ZFHX3: variants seen among roughly 807,000 people sequenced by gnomAD.
ZFHX3 encodes the protein zinc finger homeobox 3.
A neutral mutation model predicts 279.1 loss-of-function variants in ZFHX3; 42 were observed. The ratio of observed to expected loss-of-function variants is 0.15; its 90% CI spans 0.12 to 0.19. The LOEUF is 0.19. ZFHX3 is among the 10% of genes least tolerant of loss of function. The pLI, the probability that ZFHX3 is intolerant of heterozygous loss-of-function variation, is 1.00. For synonymous variants in ZFHX3, 2,293 were observed against 1,957.8 expected (o/e 1.17, Z -4.52); for missense variants, 4,981 against 4,754.0 (o/e 1.05, Z -1.40).
chr16:73,354,483 G>A (rs2016301957), intron 3 of ZFHX3, among the ~76,000 whole-genome samples: 2 of 152,204 alleles, frequency 1.3e-5, no homozygotes. Context: ...TGGGGGGCAT[G>A]CCCATATGGG....
intron 2 of ZFHX3, among the ~76,000 whole-genome samples, chr16:73,618,482 T>G (rs1160875819): frequency 2.6e-5 from 4 of 152,190 alleles, no homozygotes; most frequent in African/African-American, 9.7e-5. Context: ...CTTAGAAAAT[T>G]TCAGTAACTT....
intron 1 of ZFHX3, among the ~76,000 whole-genome samples, chr16:72,988,795 T>G (rs984363954): frequency 6.6e-6 from 1 of 152,250 alleles, no homozygotes; most frequent in Non-Finnish European, 1.5e-5. Flanking sequence ...TCATCATAAT[T>G]TTTCATCTTT....
chr16:73,870,353 G>A (rs746891328), intron 1 of ZFHX3, among the ~76,000 whole-genome samples: 1 of 152,292 alleles, frequency 6.6e-6, no homozygotes, highest in Middle Eastern at 3.4e-3. Flanking sequence ...CCAATCCTGG[G>A]AATCACGAAG....
chr16:73,480,273 G>T (rs1229895615), intron 2 of ZFHX3, among the ~76,000 whole-genome samples: 1 of 151,914 alleles, frequency 6.6e-6, no homozygotes, highest in Non-Finnish European at 1.5e-5. Flanking sequence ...CAGTGTGTTT[G>T]GTAGTAGGCT....
chr16:72,955,036 T>C (rs951537021), intron 2 of ZFHX3, among the ~76,000 whole-genome samples: 1 of 152,204 alleles, frequency 6.6e-6, no homozygotes, highest in Non-Finnish European at 1.5e-5. Flanking sequence ...CTGTTTTTAT[T>C]TGCATAAGTT....
intron 3 of ZFHX3, among the ~76,000 whole-genome samples, chr16:73,455,758 T>G (rs1392906851): frequency 2.0e-5 from 3 of 151,722 alleles, no homozygotes; most frequent in Non-Finnish European, 4.4e-5. Flanking sequence ...TTCAAAGCTT[T>G]GTTTGTTAAG....
intron 2 of ZFHX3, among the ~76,000 whole-genome samples, chr16:73,629,488 A>G (rs1232983599): frequency 6.6e-6 from 1 of 152,166 alleles, no homozygotes; most frequent in Non-Finnish European, 1.5e-5. Context: ...TTGTGGACTT[A>G]ATGTGAATAA....
At chr16:73,072,270 C>T (rs1049834633) in intron 8 of ZFHX3, among the ~76,000 whole-genome samples, 2 of 152,026 alleles carry the variant, frequency 1.3e-5, no homozygotes, top group Non-Finnish European at 1.5e-5. Context: ...CACAGTGAAA[C>T]GCCATTGCTA....
chr16:72,930,872 T>C (rs999309748), intron 3 of ZFHX3, among the ~76,000 whole-genome samples: 1 of 152,170 alleles, frequency 6.6e-6, no homozygotes, highest in Admixed American at 6.5e-5. Context: ...CAAGGTGCCA[T>C]CACTGAGCCG....
intron 2 of ZFHX3, among the ~76,000 whole-genome samples, chr16:73,551,825 G>A (rs2020208182): frequency 6.6e-6 from 1 of 152,124 alleles, no homozygotes; most frequent in Non-Finnish European, 1.5e-5. Flanking sequence ...ATGATTTCAG[G>A]GAGTTTATAT....
At chr16:72,915,515 G>C (rs774733804) in intron 3 of ZFHX3, among the ~76,000 whole-genome samples, 2 of 152,068 alleles carry the variant, frequency 1.3e-5, no homozygotes, top group Admixed American at 6.6e-5. Flanking sequence ...TTGTAACCCC[G>C]GCACTCCTGG....
intron 2 of ZFHX3, among the ~76,000 whole-genome samples, chr16:73,603,251 C>G (rs2052141900): frequency 2.7e-5 from 4 of 149,822 alleles, no homozygotes. Flanking sequence ...CGACACTGCA[C>G]TCCAGCCTGG....
At chr16:73,300,646 G>T (rs2015032612) in intron 4 of ZFHX3, among the ~76,000 whole-genome samples, 1 of 152,250 alleles carries the variant, frequency 6.6e-6, no homozygotes, top group Non-Finnish European at 1.5e-5. Flanking sequence ...TGGGATTACA[G>T]GCGCCTGCCA....
chr16:72,796,470 A>G lies in ZFHX3; in HGVS notation c.6212T>C (p.Ile2071Thr), dbSNP rs2143432982. Reference sequence around the variant, plus strand: ...GGCCGGTGCAATTGTAGGTGAGGTGATGGGTGGGGCTGATGCGGGGATGGC... The same window carrying G: ...GGCCGGTGCAATTGTAGGTGAGGTGGTGGGTGGGGCTGATGCGGGGATGGC... The part of the protein sequence containing the change: ...TPAIPASAPP[I>T]TSPTIAPAQP... The change falls in exon 9 of 10, where the codon ATC becomes ACC. Residue 2071 changes from isoleucine (I) to threonine (T), a missense_variant. This residue lies in a region of ZFHX3 where 1,751 missense variants were observed against 1,770.0 expected (regional missense o/e 0.99). Coordinates refer to ENST00000268489, the MANE Select transcript of ZFHX3 (RefSeq NM_006885.4). 21 of 1,450,138 alleles carry G rather than the reference A, an allele frequency of 1.4e-5. No homozygotes were observed. The highest frequency in any genetic ancestry group is 1.9e-5 in the Non-Finnish European group (21 of 1,082,232). 89.8% of individuals were successfully genotyped at this position (1,450,138 alleles called of 1,614,324 possible). A position where few individuals can be genotyped will look rare whatever the true frequency, so the allele number is the denominator to read the frequency against.
chr16:73,120,760 T>C (rs911070346), intron 7 of ZFHX3, among the ~76,000 whole-genome samples: 8 of 150,964 alleles, frequency 5.3e-5, no homozygotes, highest in Admixed American at 2.0e-4. Context: ...GTTCAAGTGA[T>C]TCTCCTACCT....
intron 1 of ZFHX3, among the ~76,000 whole-genome samples, chr16:73,875,877 T>G (rs937424631): frequency 3.3e-5 from 5 of 152,222 alleles, no homozygotes; most frequent in Admixed American, 1.3e-4. Context: ...ATTAAATATT[T>G]TAATATTCAT....
chr16:73,041,853 A>G (rs913364343), intron 1 of ZFHX3, among the ~76,000 whole-genome samples: 2 of 152,256 alleles, frequency 1.3e-5, no homozygotes, highest in Non-Finnish European at 2.9e-5. Flanking sequence ...GCCAAAGAGC[A>G]TTTTAGGAAG....
chr16:72,962,571 A>G (rs1018696425), intron 1 of ZFHX3, among the ~76,000 whole-genome samples: 5 of 152,192 alleles, frequency 3.3e-5, no homozygotes, highest in African/African-American at 1.2e-4. Flanking sequence ...CATGCGCACC[A>G]GCTGTGACAA....
chr16:73,868,398 C>G (rs1939390591), intron 1 of ZFHX3, among the ~76,000 whole-genome samples: 1 of 152,194 alleles, frequency 6.6e-6, no homozygotes, highest in African/African-American at 2.4e-5. Flanking sequence ...GTGGCATGTG[C>G]CTGTAATCCC....
Sources: gnomAD v4.1 joint callset for allele counts (sites outside exome capture counted in the v4.1 genomes callset) on GRCh38, gnomAD v4.1.1 for gene constraint, gnomAD v4.1.1 regional missense constraint, MANE v1.5 for transcripts, NCBI Gene and HGNC (gene_info 2026-07-23, HGNC 2026-07-21) for gene names.